HSPA4L: variants seen among roughly 807,000 people sequenced by gnomAD.
HSPA4L encodes heat shock 70 kDa protein 4L.
Under a neutral mutation model 100.3 loss-of-function variants are expected in HSPA4L, and 48 were observed. That is an observed-to-expected ratio of 0.48 (90% CI 0.38 to 0.61). The LOEUF (loss-of-function observed/expected upper bound fraction) is 0.61. Ranked by LOEUF, HSPA4L falls within the 20% of genes least tolerant of loss-of-function variation. The pLI is 0.00. For missense variants in HSPA4L, 886 were observed against 988.6 expected (o/e 0.90, Z 1.39); for synonymous variants, 319 against 328.2 (o/e 0.97, Z 0.30).
chr4:127,832,921 G>A lies in HSPA4L; in HGVS notation c.*47G>A, dbSNP rs773748159. 35 of 1,390,964 alleles carry A rather than the reference G, an allele frequency of 2.5e-5. No individual in the cohort carries two copies. Among genetic ancestry groups the A allele is most frequent in the South Asian group, 2.3e-4 (16 of 69,370 alleles). 86.2% of individuals were successfully genotyped at this position (1,390,964 alleles called of 1,614,324 possible). ...TAATTCAAACCGTGCAAGTAACCAC[G>A]GGGTCCATCTTTTACATCTGGTACA... On this transcript the variant is annotated 3_prime_UTR_variant, in exon 19 of 19. Transcript: ENST00000296464.
At chr4:127,782,304 T>G (rs1181031557), upstream of HSPA4L, 2 of 492,182 alleles carry the variant, frequency 4.1e-6, no homozygotes, top group Non-Finnish European at 7.3e-6. Context: ...AACCGCCGGT[T>G]GGAGGCGGCC....
intron 11 of HSPA4L, among the ~76,000 whole-genome samples, chr4:127,811,182 T>TTC (rs1178241234): frequency 1.3e-5 from 2 of 151,386 alleles, no homozygotes; most frequent in African/African-American, 4.8e-5. Context: ...CCCAGTGCTT[T>TTC]TTTTTTTTTT....
At position 127,801,860 on chromosome 4, in the gene HSPA4L, A is replaced by G; in HGVS notation, c.605A>G (p.Asp202Gly). 1 of 1,609,882 alleles carries G rather than the reference A, an allele frequency of 6.2e-7. No individual in the cohort carries two copies. The highest frequency in any genetic ancestry group is 8.5e-7 in the Non-Finnish European group (1 of 1,177,362). Reference sequence around the variant, plus strand: ...AAACCAAGAAATGTAGTATTTATTGATATGGGACATTCTGCCTATCAGGTC... The same window carrying G: ...AAACCAAGAAATGTAGTATTTATTGGTATGGGACATTCTGCCTATCAGGTC... ...DEKPRNVVFI[D>G]MGHSAYQVLV... The change falls in exon 6 of 19, where the codon GAT becomes GGT. Residue 202 changes from aspartate to glycine, a missense_variant. Asp to Gly is a moderately conservative substitution (Grantham distance 94). Transcript: ENST00000296464.
chr4:127,816,404 T>A (rs1334674672), intron 12 of HSPA4L, among the ~76,000 whole-genome samples: 1 of 152,224 alleles, frequency 6.6e-6, no homozygotes, highest in Non-Finnish European at 1.5e-5. Flanking sequence ...ATCTTAGTCT[T>A]GCAAATGATA....
At chr4:127,825,615 CCT>C (rs1401108230) in intron 16 of HSPA4L, among the ~76,000 whole-genome samples, 4 of 151,996 alleles carry the variant, frequency 2.6e-5, no homozygotes, top group Admixed American at 1.3e-4. Context: ...GTTTTTAATC[CCT>C]GTCTCCCTAA....
In HSPA4L at chr4:127,794,220, G is replaced by A. The variant is rs367883629; in HGVS notation, c.165+86G>A. 7 of 1,016,378 alleles carry A rather than the reference G, an allele frequency of 6.9e-6. No individual in the cohort carries two copies. In the South Asian group the frequency reaches 9.1e-5, roughly 13 times the overall value. 63.0% of individuals were successfully genotyped at this position (1,016,378 alleles called of 1,614,324 possible). A position where few individuals can be genotyped will look rare whatever the true frequency, so the allele number is the denominator to read the frequency against. On this transcript the variant is annotated intron_variant, in intron 2 of 18. Coordinates refer to ENST00000296464, the MANE Select transcript of HSPA4L (RefSeq NM_014278.4). ...AGTTCCTTAAGTTATATTGTTAAGA[G>A]TGAATAAGAGAGTGAGGAAAATAGG...
chr4:127,794,044 C>A (rs767989043), intron 1 of HSPA4L, 33 bp from the exon 2 acceptor site: 5 of 1,510,176 alleles, frequency 3.3e-6, no homozygotes, highest in South Asian at 2.5e-5. Flanking sequence ...TATAAAAGTA[C>A]CATGGAACAA....
chr4:127,823,599 A>ATGTGGAT lies in HSPA4L; in HGVS notation c.2022_2028dup (p.Lys677CysfsTer3). The ATGTGGAT allele has an allele frequency of 6.2e-7, 1 of 1,612,696 alleles. No individual in the cohort carries two copies. The highest frequency in any genetic ancestry group is 8.5e-7 in the Non-Finnish European group (1 of 1,178,726). ...GGAGAGGACCAACCTAAACAAGTTT[A>ATGTGGAT]TGTGGATAAGCTTCAAGAACTAAAG... On this transcript the variant is annotated frameshift_variant, in exon 16 of 19. Coordinates refer to ENST00000296464, the MANE Select transcript of HSPA4L (RefSeq NM_014278.4). LOFTEE classifies it high-confidence loss of function.
intron 1 of HSPA4L, chr4:127,783,436 T>C: frequency 1.5e-6 from 2 of 1,308,212 alleles, no homozygotes; most frequent in Non-Finnish European, 2.0e-6. Flanking sequence ...CTGTCCCGTA[T>C]AAACATGACT....
intron 1 of HSPA4L, 51 bp downstream of exon 1, chr4:127,782,708 C>T (rs751615178): frequency 1.1e-5 from 15 of 1,335,088 alleles, no homozygotes; most frequent in Non-Finnish European, 1.5e-5. Flanking sequence ...GTTTTTCTCT[C>T]CCGTCCTTAA....
intron 12 of HSPA4L, 67 bp from the exon 13 acceptor site, chr4:127,818,258 G>T: frequency 2.9e-6 from 3 of 1,034,230 alleles, no homozygotes; most frequent in Non-Finnish European, 4.4e-6. Flanking sequence ...CTCTTAAGAT[G>T]CAGTTTACAT....
intron 6 of HSPA4L, 104 bp from the exon 7 acceptor site, chr4:127,803,525 A>T: frequency 8.5e-7 from 1 of 1,171,404 alleles, no homozygotes; most frequent in Middle Eastern, 3.0e-4. Flanking sequence ...AAGTTTTTTT[A>T]GCGTCATTTT....
intron 1 of HSPA4L, chr4:127,783,432 C>G (rs912320299): frequency 1.7e-5 from 22 of 1,262,310 alleles, no homozygotes; most frequent in South Asian, 4.0e-5. Flanking sequence ...GCAGCTGTCC[C>G]GTATAAACAT....
intron 18 of HSPA4L, among the ~76,000 whole-genome samples, 182 bp from the exon 19 acceptor site, chr4:127,832,501 T>C (rs912296866): frequency 3.2e-4 from 48 of 152,160 alleles, no homozygotes; most frequent in African/African-American, 1.1e-3. Context: ...GCCACAGACA[T>C]ATACTAACAA....
intron 1 of HSPA4L, among the ~76,000 whole-genome samples, chr4:127,791,824 A>G (rs528354402): frequency 6.6e-6 from 1 of 152,292 alleles, no homozygotes; most frequent in South Asian, 2.1e-4. Flanking sequence ...TTGCTGTTAC[A>G]AACTTTTATA....
chr4:127,804,527 A>G (rs558733621), intron 8 of HSPA4L, among the ~76,000 whole-genome samples: 2 of 151,738 alleles, frequency 1.3e-5, no homozygotes, highest in African/African-American at 4.8e-5. Flanking sequence ...AATCACTTGA[A>G]CCTGGGAGGC....
chr4:127,828,966 C>G (rs756741835), intron 17 of HSPA4L, among the ~76,000 whole-genome samples: 9 of 152,052 alleles, frequency 5.9e-5, no homozygotes, highest in Non-Finnish European at 1.2e-4. Flanking sequence ...ACTATATTGT[C>G]AAACAAAACA....
chr4:127,817,485 CAGG>C (rs745441853), intron 12 of HSPA4L, among the ~76,000 whole-genome samples: 1 of 152,076 alleles, frequency 6.6e-6, no homozygotes, highest in Non-Finnish European at 1.5e-5. Context: ...AAGCTTTCTT[CAGG>C]AGGATGGTGA....
At chr4:127,787,854 A>G (rs1321823357) in intron 1 of HSPA4L, among the ~76,000 whole-genome samples, 1 of 152,142 alleles carries the variant, frequency 6.6e-6, no homozygotes, top group Non-Finnish European at 1.5e-5. Context: ...CACTGAAAAA[A>G]AAAAGGTTTA....
Sources: gnomAD v4.1 joint callset for allele counts (sites outside exome capture counted in the v4.1 genomes callset) on GRCh38, gnomAD v4.1.1 for gene constraint, MANE v1.5 for transcripts, NCBI Gene and HGNC (gene_info 2026-07-23, HGNC 2026-07-21) for gene names.